The following LDLRAD3 variants were observed in gnomAD, a reference collection of about 807,000 sequenced individuals.
LDLRAD3 encodes low-density lipoprotein receptor class A domain-containing protein 3.
LDLRAD3 carries 20 observed loss-of-function variants against 29.4 expected under a neutral mutation model. That is an observed-to-expected ratio of 0.68 (90% CI 0.48 to 0.99). The LOEUF (loss-of-function observed/expected upper bound fraction) is 0.99. Among genes scored for constraint, LDLRAD3 ranks in the 50% least tolerant of loss-of-function variants. LDLRAD3 has a pLI of 0.00. For missense variants in LDLRAD3, 420 were observed against 454.3 expected (o/e 0.92, Z 0.69); for synonymous variants, 157 against 192.7 (o/e 0.81, Z 1.53).
intron 2 of LDLRAD3, among the ~76,000 whole-genome samples, chr11:36,062,798 G>C (rs1308285129): frequency 3.3e-5 from 5 of 152,130 alleles, no homozygotes; most frequent in East Asian, 3.8e-4. Context: ...AGTTTCCTGA[G>C]GCCTCCCCAG....
At chr11:36,150,389 G>A (rs1231588722) in intron 4 of LDLRAD3, among the ~76,000 whole-genome samples, 2 of 152,036 alleles carry the variant, frequency 1.3e-5, no homozygotes, top group South Asian at 2.1e-4. Flanking sequence ...TTAGCCAGGC[G>A]TGGTACCACA....
chr11:36,119,629 A>G (rs1853725242), intron 4 of LDLRAD3, among the ~76,000 whole-genome samples: 1 of 151,978 alleles, frequency 6.6e-6, no homozygotes, highest in African/African-American at 2.4e-5. Flanking sequence ...TGTCACTTGT[A>G]TGCTTTCTTG....
intron 2 of LDLRAD3, among the ~76,000 whole-genome samples, chr11:36,043,803 G>A (rs537213840): frequency 6.6e-6 from 1 of 152,316 alleles, no homozygotes; most frequent in East Asian, 1.9e-4. Flanking sequence ...AGGGCCTTCT[G>A]AAGGAGTTGA....
chr11:36,190,670 A>C (rs1439782152), intron 4 of LDLRAD3, among the ~76,000 whole-genome samples: 1 of 152,172 alleles, frequency 6.6e-6, no homozygotes, highest in Non-Finnish European at 1.5e-5. Flanking sequence ...GAGAAATTGA[A>C]GAAAATGCTC....
At chr11:36,135,268 C>T (rs898449394) in intron 4 of LDLRAD3, among the ~76,000 whole-genome samples, 20 of 152,188 alleles carry the variant, frequency 1.3e-4, no homozygotes, top group Non-Finnish European at 2.2e-4. Context: ...TGGGAAAAGT[C>T]GTGCCTCTGC....
At chr11:36,126,986 G>T (rs1853847437) in intron 4 of LDLRAD3, among the ~76,000 whole-genome samples, 1 of 152,168 alleles carries the variant, frequency 6.6e-6, no homozygotes, top group Non-Finnish European at 1.5e-5. Context: ...GTGAGCAGTG[G>T]TCATCCCTGG....
intron 1 of LDLRAD3, among the ~76,000 whole-genome samples, chr11:35,991,327 A>G (rs952383491): frequency 6.6e-6 from 1 of 152,126 alleles, no homozygotes; most frequent in African/African-American, 2.4e-5. Flanking sequence ...GAGTCCTGTT[A>G]TTATTGCTTC....
At chr11:36,013,730 A>G (rs1486555534) in intron 1 of LDLRAD3, among the ~76,000 whole-genome samples, 1 of 152,026 alleles carries the variant, frequency 6.6e-6, no homozygotes, top group Non-Finnish European at 1.5e-5. Flanking sequence ...GTGTTTTACA[A>G]AGTCTGTTTC....
chr11:36,123,632 G>C (rs981518737), intron 4 of LDLRAD3, among the ~76,000 whole-genome samples: 6 of 152,356 alleles, frequency 3.9e-5, no homozygotes, highest in African/African-American at 1.2e-4. Flanking sequence ...GTGTGGAAAG[G>C]GTGAAGAATT....
intron 2 of LDLRAD3, 102 bp from the exon 3 acceptor site, chr11:36,081,551 A>T (rs1407006072): frequency 1.4e-6 from 2 of 1,451,670 alleles, no homozygotes; most frequent in East Asian, 4.6e-5. Flanking sequence ...CTTTAAGATG[A>T]ATCTTAAGTG....
intron 1 of LDLRAD3, among the ~76,000 whole-genome samples, chr11:35,951,437 T>A (rs1366665523): frequency 6.6e-6 from 1 of 152,186 alleles, no homozygotes; most frequent in Admixed American, 6.5e-5. Flanking sequence ...TGTTTAGACA[T>A]TTCAGTTAGT....
chr11:36,150,579 C>G lies in LDLRAD3; in HGVS notation c.454+52118C>G, dbSNP rs547637963. Among the ~76,000 whole-genome samples the G allele has an allele frequency of 2.0e-5, 3 of 150,974 alleles. No individual in the cohort carries two copies. In the East Asian group the frequency reaches 5.9e-4, roughly 30 times the overall value. On this transcript the variant is annotated intron_variant, in intron 4 of 5. Coordinates refer to ENST00000315571, the MANE Select transcript of LDLRAD3 (RefSeq NM_174902.4). ...CCATCCTGGCTAACACAGTGAAACC[C>G]CATCTCTACTAAAAATACAAAAAAA...
At chr11:36,108,719 A>G (rs1034616884) in intron 4 of LDLRAD3, among the ~76,000 whole-genome samples, 2 of 152,276 alleles carry the variant, frequency 1.3e-5, no homozygotes, top group Admixed American at 6.5e-5. Context: ...AGCGTGATGC[A>G]TTTGAGGAAC....
At chr11:36,110,723 C>A (rs7104875) in intron 4 of LDLRAD3, among the ~76,000 whole-genome samples, 37,969 of 152,138 alleles carry the variant, frequency 0.25, 4,806 homozygotes, top group Admixed American at 0.31. Context: ...TATAGATCAG[C>A]TCAAAGTTGC....
Position 36,229,459 on chromosome 11 carries a change from T to A in LDLRAD3, c.*62T>A. 8.1e-7 allele frequency: 1 copy of A among 1,241,376 alleles called. No homozygotes were observed. The highest frequency in any genetic ancestry group is 1.2e-6 in the Non-Finnish European group (1 of 863,750). The allele number at this position is 1,241,376 out of a possible 1,614,324, so 76.9% of individuals were successfully genotyped here. A position where few individuals can be genotyped will look rare whatever the true frequency, so the allele number is the denominator to read the frequency against. ...CTCTGACTTGTTGCCATTCTAACAATTTGTGCTCATGGGAAGCTCTTTAAG... is the reference window on the plus strand; with the variant it reads ...CTCTGACTTGTTGCCATTCTAACAAATTGTGCTCATGGGAAGCTCTTTAAG... On this transcript the variant is annotated 3_prime_UTR_variant, in exon 6 of 6. Coordinates refer to ENST00000315571, the MANE Select transcript of LDLRAD3 (RefSeq NM_174902.4).
chr11:36,119,537 G>T (rs1172200198), intron 4 of LDLRAD3, among the ~76,000 whole-genome samples: 2 of 151,162 alleles, frequency 1.3e-5, no homozygotes, highest in African/African-American at 2.4e-5. Context: ...CTATCCTAGT[G>T]GTGTGAAATA....
intron 2 of LDLRAD3, among the ~76,000 whole-genome samples, chr11:36,057,646 T>C (rs1324756527): frequency 4.6e-5 from 7 of 152,234 alleles, no homozygotes; most frequent in Admixed American, 4.6e-4. Flanking sequence ...TTTGCTGAGA[T>C]TCTGCCCACT....
chr11:36,210,589 C>T (rs1855271355), intron 4 of LDLRAD3, among the ~76,000 whole-genome samples: 1 of 151,992 alleles, frequency 6.6e-6, no homozygotes, highest in Non-Finnish European at 1.5e-5. Context: ...CCCAGGAGGC[C>T]CACTGGTGTT....
At chr11:35,985,394 A>G (rs1271018412) in intron 1 of LDLRAD3, among the ~76,000 whole-genome samples, 1 of 152,164 alleles carries the variant, frequency 6.6e-6, no homozygotes, top group Non-Finnish European at 1.5e-5. Context: ...ATATTTTTGC[A>G]GATTCCGTAA....
Sources: allele counts gnomAD v4.1 joint callset (sites outside exome capture counted in the v4.1 genomes callset), GRCh38; gene constraint gnomAD v4.1.1; transcripts MANE v1.5; gene names NCBI Gene and HGNC (gene_info 2026-07-23, HGNC 2026-07-21).